RYR1: variants seen among roughly 807,000 people sequenced by gnomAD.
The protein encoded by RYR1 is central core disease of muscle.
A neutral mutation model predicts 583.5 loss-of-function variants in RYR1; 342 were observed. The observed-to-expected ratio is 0.59, with a 90% CI of 0.54 to 0.64. The LOEUF (loss-of-function observed/expected upper bound fraction) is 0.64, where lower values mean the gene tolerates loss of function less well. Ranked by LOEUF, RYR1 falls within the 30% of genes least tolerant of loss-of-function variation. RYR1 has a pLI of 0.00. For synonymous variants in RYR1, 2,791 were observed against 2,822.5 expected (o/e 0.99, Z 0.35); for missense variants, 6,032 against 6,917.2 (o/e 0.87, Z 4.54).
rs1972271010 is a variant in RYR1, at chr19:38,543,110, G to A, written c.11690-237G>A. 6.6e-6 allele frequency among the ~76,000 whole-genome samples: 1 copy of A among 152,170 alleles called. No homozygotes were observed. Among genetic ancestry groups the A allele is most frequent in the Admixed American group, 6.5e-5 (1 of 15,268 alleles). On this transcript the variant is annotated intron_variant, in intron 84 of 105. Coordinates refer to ENST00000359596, the MANE Select transcript of RYR1 (RefSeq NM_000540.3). The surrounding 1 kb of genome is among the most constrained non-coding windows in gnomAD (Gnocchi z 4.4). ...GCCTGCCTGGGCCTCCCAAAGTGCT[G>A]GAATTACAGGCGTGAGCCACCCGGC...
rs537094747 is a variant in RYR1, at chr19:38,539,439, G to A, written c.11689+1479G>A. Among the ~76,000 whole-genome samples the A allele has an allele frequency of 2.6e-5, 4 of 151,864 alleles. No homozygotes were observed. In the South Asian group the frequency reaches 8.3e-4, roughly 32 times the overall value. The stretch of plus-strand genomic sequence containing the variant: ...TTTTTTGTAGAGATGAGATCTCACT[G>A]TGTTGCCCAGGGGATCTCAAACTCC... On this transcript the variant is annotated intron_variant, in intron 84 of 105. Transcript: ENST00000359596.
Position 38,572,027 on chromosome 19 carries a change from C to G in RYR1, c.13755C>G (p.Asp4585Glu). ...CTCTGTCCCCATTTCAGGTCTCAGA[C>G]TCTCCACCAGGGGAGGACGACATGG... ...NFILLFYKVSDSPPGEDDMEG... is the reference protein window; with the variant it reads ...NFILLFYKVSESPPGEDDMEG... Residue 4585 changes from aspartate to glutamate, a missense_variant, in exon 95 of 106, where the codon GAC (aspartate) becomes GAG (glutamate). By Grantham distance (45) the Asp-to-Glu change is conservative (BLOSUM62 2). This residue lies in a region of RYR1 where 35 missense variants were observed against 66.0 expected (regional missense o/e 0.53). Coordinates refer to ENST00000359596, the MANE Select transcript of RYR1 (RefSeq NM_000540.3). 6.2e-7 allele frequency: 1 copy of G among 1,614,056 alleles called. No homozygotes were observed. Among genetic ancestry groups the G allele is most frequent in the Non-Finnish European group, 8.5e-7 (1 of 1,180,052 alleles).
rs1321260327 is a variant in RYR1 at position 38,478,530 on chromosome 19, G to A, written c.4550G>A (p.Cys1517Tyr). 2 of 1,614,026 alleles carry A rather than the reference G, an allele frequency of 1.2e-6. No homozygotes were observed. Among genetic ancestry groups the A allele is most frequent in the Non-Finnish European group, 1.7e-6 (2 of 1,180,046 alleles). Residue 1517 changes from cysteine (C) to tyrosine (Y), a missense_variant, in exon 31 of 106, where the codon TGC (cysteine) becomes TAC (tyrosine). By Grantham distance (194) the Cys-to-Tyr change is radical (BLOSUM62 -2). Transcript: ENST00000359596. ...AGCCACACGGACCTTGTCATTGGGT[G>A]CCTGGTGGACTTGGCCACTGGCTTA... ...RISHTDLVIG[C>Y]LVDLATGLMT...
intron 29 of RYR1, 66 bp downstream of exon 29, chr19:38,475,516 G>A (rs1968677545): frequency 1.2e-6 from 2 of 1,601,880 alleles, no homozygotes; most frequent in Non-Finnish European, 1.7e-6. Context: ...GAATTTCCAA[G>A]TTTAGTGTGA....
chr19:38,455,273 A>C lies in RYR1; in HGVS notation c.1479A>C (p.Leu493=), dbSNP rs748552245. Residue 493 remains leucine, a synonymous_variant, in exon 14 of 106, where the codon CTA becomes CTC. Coordinates refer to ENST00000359596, the MANE Select transcript of RYR1 (RefSeq NM_000540.3). ...LSMVLNCIDR[L]NVYTTAAHFA... ...TGGTCCTGAATTGCATAGACCGCCT[A>C]AATGTCTACACCACTGCTGCCCACT... The C allele has an allele frequency of 1.5e-5, 25 of 1,613,900 alleles. No homozygotes were observed. In the Admixed American group the frequency reaches 2.3e-4, roughly 15 times the overall value.
Position 38,454,968 on chromosome 19 carries a change from A to C in RYR1, c.1441-267A>C, listed in dbSNP as rs192973721. Among the ~76,000 whole-genome samples, 149 of 152,146 alleles carry C rather than the reference A, an allele frequency of 9.8e-4. 2 individuals are homozygous for C. The Middle Eastern group carries it at 0.01, about 10-fold the overall frequency. Reference sequence around the variant, plus strand: ...GTGCAGGAAGGGGAAGTATAAACTCAGTCCTGGTGTTAATAAGGACTGAAT... The same window carrying C: ...GTGCAGGAAGGGGAAGTATAAACTCCGTCCTGGTGTTAATAAGGACTGAAT... On this transcript the variant is annotated intron_variant, in intron 13 of 105. Coordinates refer to ENST00000359596, the MANE Select transcript of RYR1 (RefSeq NM_000540.3).
intron 9 of RYR1, among the ~76,000 whole-genome samples, chr19:38,447,333 G>T (rs1377753160): frequency 1.3e-5 from 2 of 151,988 alleles, no homozygotes; most frequent in East Asian, 3.9e-4. Context: ...TTGAGGTCAG[G>T]AGTTCCAGAC....
chr19:38,573,955 A>T (rs1157376569), intron 96 of RYR1, among the ~76,000 whole-genome samples: 1 of 151,988 alleles, frequency 6.6e-6, no homozygotes, highest in Non-Finnish European at 1.5e-5. Context: ...AAATAAAAAA[A>T]CATGGCCAGG....
intron 3 of RYR1, among the ~76,000 whole-genome samples, chr19:38,443,060 C>T (rs937850776): frequency 9.2e-5 from 14 of 152,144 alleles, no homozygotes; most frequent in Admixed American, 2.0e-4. Context: ...CCCCAAGGTC[C>T]GGGTTGGGGA....
At chr19:38,527,129 C>T (rs1971501102) in intron 72 of RYR1, 77 bp downstream of exon 72, 5 of 1,521,954 alleles carry the variant, frequency 3.3e-6, no homozygotes, top group Non-Finnish European at 1.8e-6. Flanking sequence ...TGAGCATTTA[C>T]CAAAGACCAG....
In RYR1 at chr19:38,580,093, A is replaced by C. The variant is rs776715322; in HGVS notation, c.14476A>C (p.Thr4826Pro). 2 of 1,614,174 alleles carry C rather than the reference A, an allele frequency of 1.2e-6. No individual in the cohort carries two copies. The highest frequency in any genetic ancestry group is 2.2e-5 in the South Asian group (2 of 91,088). ...DIAMGVKTLR[T>P]ILSSVTHNGK... ...CGCCATGGGGGTCAAGACGCTGCGCACCATCCTGTCCTCTGTCACCCACAA... is the reference window on the plus strand; with the variant it reads ...CGCCATGGGGGTCAAGACGCTGCGCCCCATCCTGTCCTCTGTCACCCACAA... Residue 4826 changes from threonine to proline, a missense_variant, in exon 100 of 106, where the codon ACC (threonine) becomes CCC (proline). Thr to Pro is a conservative substitution (Grantham distance 38, BLOSUM62 -1). This residue lies in a region of RYR1 where 189 missense variants were observed against 350.3 expected (regional missense o/e 0.54). Coordinates refer to ENST00000359596, the MANE Select transcript of RYR1 (RefSeq NM_000540.3).
At chr19:38,579,220 G>A (rs1974090279) in intron 99 of RYR1, among the ~76,000 whole-genome samples, 1 of 152,092 alleles carries the variant, frequency 6.6e-6, no homozygotes, top group South Asian at 2.1e-4. Context: ...GAGGCCAGGA[G>A]TTAGAGACCA....
intron 63 of RYR1, among the ~76,000 whole-genome samples, chr19:38,514,488 C>A (rs1309470776): frequency 6.6e-6 from 1 of 151,604 alleles, no homozygotes; most frequent in African/African-American, 2.4e-5. Context: ...ACCATGTTGC[C>A]CAGGCTGGTC....
intron 66 of RYR1, among the ~76,000 whole-genome samples, chr19:38,518,072 T>C (rs919600005): frequency 2.6e-5 from 4 of 151,862 alleles, no homozygotes; most frequent in Non-Finnish European, 5.9e-5. Flanking sequence ...TGAGCTGTGA[T>C]TGCACCACTG....
chr19:38,567,111 A>G (rs1019481720), intron 92 of RYR1, 124 bp downstream of exon 92: 61 of 1,476,172 alleles, frequency 4.1e-5, no homozygotes, highest in Non-Finnish European at 5.5e-5. Context: ...CACCCAGCCC[A>G]GACTCAGGCA....
At chr19:38,539,160 T>G (rs892014788) in intron 84 of RYR1, among the ~76,000 whole-genome samples, 4 of 152,130 alleles carry the variant, frequency 2.6e-5, no homozygotes, top group Non-Finnish European at 5.9e-5. Context: ...TTGTCTTGAA[T>G]TTTCAAAAGC....
Position 38,473,031 on chromosome 19 carries a change from A to AAG in RYR1, c.3766-346_3766-345insAG, listed in dbSNP as rs1287608321. On this transcript the variant is annotated intron_variant, in intron 27 of 105. Coordinates refer to ENST00000359596, the MANE Select transcript of RYR1 (RefSeq NM_000540.3). Reference sequence around the variant, plus strand: ...ACTGTGTCTCAAAAAAAAAAAAAAAAGCATTGAAGTTGAGCTGCCTGGTTA... The same window carrying AAG: ...ACTGTGTCTCAAAAAAAAAAAAAAAAAGGCATTGAAGTTGAGCTGCCTGGTTA... 4.8e-4 allele frequency among the ~76,000 whole-genome samples: 72 copies of AAG among 150,972 alleles called. 1 individual carries two copies. Among genetic ancestry groups the AAG allele is most frequent in the African/African-American group, 1.6e-3 (65 of 41,102 alleles).
At chr19:38,507,569 G>A (rs1369818625) in intron 57 of RYR1, 143 bp from the exon 58 acceptor site, 5 of 709,606 alleles carry the variant, frequency 7.0e-6, no homozygotes, top group Admixed American at 4.0e-5. Context: ...GTGGGGCATG[G>A]GGGACTCAGA....
At position 38,484,387 on chromosome 19, in the gene RYR1, C is replaced by G. The variant is rs79937893; in HGVS notation, c.4934+871C>G. Among the ~76,000 whole-genome samples, 1,410 of 149,374 alleles carry G rather than the reference C, an allele frequency of 9.4e-3. 21 individuals are homozygous for G. Among genetic ancestry groups the G allele is most frequent in the African/African-American group, 0.034 (1,343 of 39,544 alleles). On this transcript the variant is annotated intron_variant, in intron 33 of 105. Coordinates refer to ENST00000359596, the MANE Select transcript of RYR1 (RefSeq NM_000540.3). Reference sequence around the variant, plus strand: ...TCTTTCCTTCCTTCCTTCCTCCCTCCTTCCCTCTCTCCTTCCCTTCCTTCC... The same window carrying G: ...TCTTTCCTTCCTTCCTTCCTCCCTCGTTCCCTCTCTCCTTCCCTTCCTTCC...
Sources: allele counts gnomAD v4.1 joint callset (sites outside exome capture counted in the v4.1 genomes callset), GRCh38; gene constraint gnomAD v4.1.1; regional missense constraint gnomAD v4.1.1; non-coding constraint Gnocchi (gnomAD v3.1); transcripts MANE v1.5; gene names NCBI Gene and HGNC (gene_info 2026-07-23, HGNC 2026-07-21).